SUGT1: variants seen among roughly 807,000 people sequenced by gnomAD.
SUGT1 encodes the protein protein SGT1 homolog.
Under a neutral mutation model 56.1 loss-of-function variants are expected in SUGT1, and 15 were observed. The ratio of observed to expected loss-of-function variants is 0.27; its 90% CI spans 0.18 to 0.41. The LOEUF is 0.41. Among genes scored for constraint, SUGT1 ranks in the 10% least tolerant of loss-of-function variants. SUGT1 has a pLI of 1.00. For synonymous variants in SUGT1, 123 were observed against 128.6 expected, an observed-to-expected ratio of 0.96 and a Z score of 0.30; for missense variants, 347 against 382.2, an observed-to-expected ratio of 0.91 and a Z score of 0.77.
intron 10 of SUGT1, among the ~76,000 whole-genome samples, chr13:52,672,756 C>T (rs1196633676): frequency 6.6e-6 from 1 of 152,206 alleles, no homozygotes; most frequent in Non-Finnish European, 1.5e-5. Context: ...ATCTTACTTA[C>T]CACTTAAGAT....
rs1963900586 is a variant in SUGT1 at position 52,695,374 on chromosome 13, A to G, written c.*7539A>G. On this transcript the variant is annotated 3_prime_UTR_variant, in exon 13 of 13. Transcript: ENST00000310528. ...GGAAGGAGTAGTAACTTATGAATCT[A>G]GACTCTTAAAATCCCAGTTCTGATA... The G allele has an allele frequency of 6.6e-6, 1 of 152,204 alleles. No homozygotes were observed. Among genetic ancestry groups the G allele is most frequent in the Non-Finnish European group, 1.5e-5 (1 of 68,020 alleles). The allele number at this position is 152,204 out of a possible 1,614,324, so 9.4% of individuals were successfully genotyped here.
chr13:52,676,879 T>G (rs1055105518), intron 11 of SUGT1, among the ~76,000 whole-genome samples: 5 of 152,202 alleles, frequency 3.3e-5, no homozygotes, highest in Admixed American at 1.3e-4. Flanking sequence ...TATAACCCTG[T>G]AAGAAACAGA....
chr13:52,681,942 T>C (rs1238077115), intron 12 of SUGT1, among the ~76,000 whole-genome samples: 2 of 73,814 alleles, frequency 2.7e-5, no homozygotes, highest in South Asian at 5.3e-4. Flanking sequence ...CACCCTTCCA[T>C]GATCCCTGAT....
chr13:52,687,303 TTC>T (rs1225605892), intron 12 of SUGT1: 2 of 152,202 alleles, frequency 1.3e-5, no homozygotes, highest in African/African-American at 4.8e-5. Context: ...GCCCTTCAAG[TTC>T]TCTTCAGCTG....
At chr13:52,678,590 C>T (rs1431952415) in intron 11 of SUGT1, among the ~76,000 whole-genome samples, 3 of 151,790 alleles carry the variant, frequency 2.0e-5, no homozygotes, top group Non-Finnish European at 2.9e-5. Flanking sequence ...GACTAGTCTG[C>T]ATTGAGATGA....
rs1389646408 is a variant in SUGT1, at chr13:52,693,987, TTAATAA to T, written c.*6155_*6160del. On this transcript the variant is annotated 3_prime_UTR_variant, in exon 13 of 13. Transcript: ENST00000310528. The stretch of plus-strand genomic sequence containing the variant: ...TTTATAAATTAGGCACAGTAAGATA[TTAATAA>T]TAGAATATACAATATACCGCAATAA... 1 of 152,204 alleles carries T rather than the reference TTAATAA, an allele frequency of 6.6e-6. No individual in the cohort carries two copies. The highest frequency in any genetic ancestry group is 2.4e-5 in the African/African-American group (1 of 41,458). The allele number at this position is 152,204 out of a possible 1,614,324, so 9.4% of individuals were successfully genotyped here.
chr13:52,660,566 A>G (rs1962396941), intron 5 of SUGT1, among the ~76,000 whole-genome samples: 1 of 152,200 alleles, frequency 6.6e-6, no homozygotes. Flanking sequence ...TTCAGAAAAA[A>G]GGATTTTAGC....
intron 2 of SUGT1, among the ~76,000 whole-genome samples, chr13:52,656,944 A>T (rs1962194363): frequency 6.6e-6 from 1 of 152,182 alleles, no homozygotes; most frequent in African/African-American, 2.4e-5. Context: ...CTCTAATGTT[A>T]ACTCTTGGTA....
chr13:52,652,971 CT>C lies in SUGT1; in HGVS notation c.38+16del. ...CAACATCCCAGAGGTGCATGTTTTT[CT>C]TTCCCTTTGGTATTTATTTTATCCC... On this transcript the variant is annotated intron_variant, in intron 1 of 12. Transcript: ENST00000310528. The C allele has an allele frequency of 6.2e-7, 1 of 1,614,214 alleles. No homozygotes were observed. Among genetic ancestry groups the C allele is most frequent in the Non-Finnish European group, 8.5e-7 (1 of 1,180,014 alleles).
At chr13:52,679,930 T>G in intron 11 of SUGT1, 44 bp from the exon 12 acceptor site, 1 of 1,534,606 alleles carries the variant, frequency 6.5e-7, no homozygotes, top group Admixed American at 2.3e-5. Context: ...TCGACATAAT[T>G]GAAACATGTT....
intron 10 of SUGT1, among the ~76,000 whole-genome samples, chr13:52,674,212 T>G (rs570811737): frequency 4.6e-5 from 7 of 152,100 alleles, no homozygotes; most frequent in African/African-American, 7.2e-5. Context: ...CCACTATGCC[T>G]GGCTATTTTT....
intron 11 of SUGT1, among the ~76,000 whole-genome samples, chr13:52,678,775 C>T (rs558639860): frequency 3.2e-5 from 1 of 30,828 alleles, no homozygotes; most frequent in East Asian, 9.5e-4. Flanking sequence ...ACCTCCTGGA[C>T]TCAAGCAGTC....
At position 52,691,490 on chromosome 13, in the gene SUGT1, A is replaced by T. The variant is rs1365066710; in HGVS notation, c.*3655A>T. The T allele has an allele frequency of 1.3e-5, 2 of 152,192 alleles. No homozygotes were observed. Among genetic ancestry groups the T allele is most frequent in the Non-Finnish European group, 2.9e-5 (2 of 68,032 alleles). 9.4% of individuals were successfully genotyped at this position (152,192 alleles called of 1,614,324 possible). On this transcript the variant is annotated 3_prime_UTR_variant, in exon 13 of 13. Coordinates refer to ENST00000310528, the MANE Select transcript of SUGT1 (RefSeq NM_006704.5). ...TATCACTGACCCAGAGCAAAATTGC[A>T]TATTAGTTTACCATCTAATCAGCCT...
At chr13:52,674,190 TAC>T (rs1594246306) in intron 10 of SUGT1, among the ~76,000 whole-genome samples, 1 of 151,258 alleles carries the variant, frequency 6.6e-6, no homozygotes, top group East Asian at 2.0e-4. Context: ...TAGCTGAGAC[TAC>T]AGTCACATGC....
chr13:52,657,423 C>T lies in SUGT1; in HGVS notation c.97-109C>T, dbSNP rs1443652732. 7 of 931,294 alleles carry T rather than the reference C, an allele frequency of 7.5e-6. No homozygotes were observed. The East Asian group carries it at 1.3e-4, about 18-fold the overall frequency. The allele number at this position is 931,294 out of a possible 1,614,324, so 57.7% of individuals were successfully genotyped here. On this transcript the variant is annotated intron_variant, in intron 2 of 12. Coordinates refer to ENST00000310528, the MANE Select transcript of SUGT1 (RefSeq NM_006704.5). ...CAATATTATATCCGTGTTATCTTTC[C>T]TCCAAATAGCTTCTGACAATAAGTT...
chr13:52,691,827 G>A lies in SUGT1; in HGVS notation c.*3992G>A, dbSNP rs1211836211. On this transcript the variant is annotated 3_prime_UTR_variant, in exon 13 of 13. Transcript: ENST00000310528. ...GGGTCATATGTAGTTTTAAATAAAA[G>A]GGTTCATCTCTTTTGATGTGGTTTC... 1 of 152,168 alleles carries A rather than the reference G, an allele frequency of 6.6e-6. No individual in the cohort carries two copies. Among genetic ancestry groups the A allele is most frequent in the Non-Finnish European group, 1.5e-5 (1 of 68,020 alleles). 9.4% of individuals were successfully genotyped at this position (152,168 alleles called of 1,614,324 possible).
intron 11 of SUGT1, among the ~76,000 whole-genome samples, chr13:52,677,813 T>C (rs1468585639): frequency 1.3e-5 from 2 of 152,186 alleles, no homozygotes. Flanking sequence ...TTATAGTGAA[T>C]GAGCAGGGAG....
chr13:52,682,338 A>G (rs1479224615), intron 12 of SUGT1, among the ~76,000 whole-genome samples: 2 of 151,694 alleles, frequency 1.3e-5, no homozygotes, highest in African/African-American at 4.8e-5. Context: ...AGATGGGACT[A>G]CACATCCATG....
In SUGT1 at chr13:52,674,432, G is replaced by A. The variant is rs1301011981; in HGVS notation, c.628-1798G>A. Among the ~76,000 whole-genome samples the A allele has an allele frequency of 3.3e-5, 5 of 152,186 alleles. 1 individual carries two copies. In the South Asian group the frequency reaches 8.3e-4, roughly 25 times the overall value. ...GCTCCAAAAGAAAATAAAAATAAAC[G>A]CTTGAGACCAGATACCCCACATACA... On this transcript the variant is annotated intron_variant, in intron 10 of 12. Coordinates refer to ENST00000310528, the MANE Select transcript of SUGT1 (RefSeq NM_006704.5).
Sources: gnomAD v4.1 joint callset for allele counts (sites outside exome capture counted in the v4.1 genomes callset) on GRCh38, gnomAD v4.1.1 for gene constraint, MANE v1.5 for transcripts, NCBI Gene and HGNC (gene_info 2026-07-23, HGNC 2026-07-21) for gene names.